EYA3: variants seen among roughly 807,000 people sequenced by gnomAD.
The protein encoded by EYA3 is EYA transcriptional coactivator and phosphatase 3.
In EYA3, 39 loss-of-function variants were observed where a neutral mutation model predicts 80.0. That is an observed-to-expected ratio of 0.49 (90% CI 0.38 to 0.64). The LOEUF (loss-of-function observed/expected upper bound fraction) is 0.64, where lower values mean the gene tolerates loss of function less well. Ranked by LOEUF, EYA3 falls within the 30% of genes least tolerant of loss-of-function variation. The pLI, the probability that EYA3 is intolerant of heterozygous loss-of-function variation, is 0.00. For synonymous variants in EYA3, 206 were observed against 232.8 expected, an observed-to-expected ratio of 0.88 and a Z score of 1.05; for missense variants, 523 against 676.1, an observed-to-expected ratio of 0.77 and a Z score of 2.51.
chr1:28,015,254 G>A (rs1327217734), intron 8 of EYA3, among the ~76,000 whole-genome samples: 6 of 152,218 alleles, frequency 3.9e-5, no homozygotes, highest in Admixed American at 1.3e-4. Context: ...TAGGCTCTGA[G>A]GAGATTTTAT....
chr1:27,986,225 C>G (rs941291034), intron 16 of EYA3, among the ~76,000 whole-genome samples: 17 of 151,512 alleles, frequency 1.1e-4, no homozygotes, highest in East Asian at 1.0e-3. Context: ...ATTAGCTGGG[C>G]ATGGTGGTGC....
chr1:28,035,472 T>G, intron 6 of EYA3, 72 bp downstream of exon 6: 2 of 1,552,678 alleles, frequency 1.3e-6, no homozygotes, highest in East Asian at 2.3e-5. Flanking sequence ...TAAAGAATGA[T>G]GCATGGCTGA....
chr1:28,045,216 T>C (rs1297188977), intron 3 of EYA3, among the ~76,000 whole-genome samples: 2 of 152,228 alleles, frequency 1.3e-5, no homozygotes, highest in South Asian at 2.1e-4. Flanking sequence ...GATGTGATTA[T>C]GGAAATTGAA....
chr1:27,981,801 C>T (rs1461692502), intron 16 of EYA3, among the ~76,000 whole-genome samples: 4 of 150,900 alleles, frequency 2.7e-5, no homozygotes, highest in East Asian at 2.0e-4. Context: ...CTACCACCAA[C>T]GAAGCTTTGT....
At chr1:28,056,428 C>G (rs1036027247) in intron 2 of EYA3, among the ~76,000 whole-genome samples, 2 of 152,198 alleles carry the variant, frequency 1.3e-5, no homozygotes, top group African/African-American at 4.8e-5. Context: ...GTACTTCCCC[C>G]GTGTGGCATG....
rs1645518931 is a variant in EYA3 at position 28,083,864 on chromosome 1, A to C, written c.-69+4660T>G. Among the ~76,000 whole-genome samples the C allele has an allele frequency of 2.0e-5, 3 of 152,372 alleles. No individual in the cohort carries two copies. In the South Asian group the frequency reaches 6.2e-4, roughly 32 times the overall value. On this transcript the variant is annotated intron_variant, in intron 1 of 17. Transcript: ENST00000373871. ...TGGTACAATATTACCTAGCCACATAAATAGCCTAAATATGTATTACTGTAA... is the reference window on the plus strand; with the variant it reads ...TGGTACAATATTACCTAGCCACATACATAGCCTAAATATGTATTACTGTAA...
At chr1:27,994,041 G>T (rs184931192) in intron 13 of EYA3, among the ~76,000 whole-genome samples, 10 of 152,324 alleles carry the variant, frequency 6.6e-5, no homozygotes, top group Admixed American at 6.5e-4. Context: ...TATGTTCATA[G>T]GTCACTGTGG....
intron 1 of EYA3, among the ~76,000 whole-genome samples, chr1:28,073,127 A>ATATATATATATTTTTTT (rs1553157671): frequency 4.7e-4 from 7 of 14,998 alleles, no homozygotes; most frequent in Admixed American, 1.4e-3. Flanking sequence ...ATATATATAT[A>ATATATATATATTTTTTT]TTTTTTTTTT....
At chr1:27,995,421 G>GAAAAAAAA (rs55902170) in intron 13 of EYA3, among the ~76,000 whole-genome samples, 1 of 79,194 alleles carries the variant, frequency 1.3e-5, no homozygotes, top group Admixed American at 1.4e-4. Flanking sequence ...ATCTTAAAAG[G>GAAAAAAAA]AAAAAAAAAA....
intron 2 of EYA3, among the ~76,000 whole-genome samples, chr1:28,049,882 G>A (rs1644173357): frequency 6.6e-6 from 1 of 152,010 alleles, no homozygotes; most frequent in African/African-American, 2.4e-5. Flanking sequence ...AGTTACATAT[G>A]GTCAGATAAT....
rs376042921 is a variant in EYA3, at chr1:28,027,835, T to C, written c.453A>G (p.Leu151=). The part of the protein sequence containing the change: ...QHSVLTCTTG[L]TTSQPSPAHY... ...GTGCTGGGCTTGGCTGGCTTGTGGT[T>C]AACCCTGTAGTGCAGGTAAGAACAC... The change falls in exon 7 of 18, where the codon TTA becomes TTG. Residue 151 remains leucine (L), a synonymous_variant. Coordinates refer to ENST00000373871, the MANE Select transcript of EYA3 (RefSeq NM_001990.4). The C allele has an allele frequency of 6.1e-5, 99 of 1,614,076 alleles. No individual in the cohort carries two copies. The highest frequency in any genetic ancestry group is 2.8e-5 in the Non-Finnish European group (33 of 1,180,026).
At chr1:27,995,919 T>C (rs186983268) in intron 13 of EYA3, among the ~76,000 whole-genome samples, 1,922 of 152,262 alleles carry the variant, frequency 0.013, 43 homozygotes, top group African/African-American at 0.043. Flanking sequence ...GTCACCCAGG[T>C]TGGAGTGCAG....
At chr1:28,080,553 G>A (rs1363899094) in intron 1 of EYA3, among the ~76,000 whole-genome samples, 7 of 151,384 alleles carry the variant, frequency 4.6e-5, no homozygotes, top group Admixed American at 1.3e-4. Flanking sequence ...CTTCTGTTTC[G>A]ATTTCAAATA....
In EYA3 at chr1:28,013,908, C is replaced by T. The variant is rs1010800445; in HGVS notation, c.586-614G>A. Among the ~76,000 whole-genome samples, 10 of 151,972 alleles carry T rather than the reference C, an allele frequency of 6.6e-5. No homozygotes were observed. The highest frequency in any genetic ancestry group is 2.4e-4 in the African/African-American group (10 of 41,372). On this transcript the variant is annotated intron_variant, in intron 8 of 17. Transcript: ENST00000373871. This position sits in a 1 kb window ranked among gnomAD's most constrained non-coding sequence, Gnocchi z 4.0. ...TGAAACCCTGTTTCTACTAAAAATA[C>T]AAAAATTAGCCTGGCGTGGTGGCAC... is the stretch of plus-strand genomic sequence containing the variant.
At chr1:28,055,835 A>G (rs547990199) in intron 2 of EYA3, among the ~76,000 whole-genome samples, 6 of 152,314 alleles carry the variant, frequency 3.9e-5, no homozygotes, top group Admixed American at 3.3e-4. Flanking sequence ...GGATAATTCA[A>G]TAAGGAAGAG....
At chr1:28,038,295 GGGCGTGGT>G (rs1643563304) in intron 5 of EYA3, among the ~76,000 whole-genome samples, 1 of 152,012 alleles carries the variant, frequency 6.6e-6, no homozygotes, top group Non-Finnish European at 1.5e-5. Context: ...AAAATTAGCT[GGGCGTGGT>G]GGCATGCCTG....
Position 27,971,517 on chromosome 1 carries a change from C to G in EYA3, c.*2949G>C, listed in dbSNP as rs1020873512. ...GCTGAGGTAGGAGAATCGCTTGAACCTGGGAGGCGGAGGTTGCAGTGAGCC... is the reference window on the plus strand; with the variant it reads ...GCTGAGGTAGGAGAATCGCTTGAACGTGGGAGGCGGAGGTTGCAGTGAGCC... On this transcript the variant is annotated 3_prime_UTR_variant, in exon 18 of 18. Transcript: ENST00000373871. The G allele has an allele frequency of 6.7e-6, 1 of 149,972 alleles. No homozygotes were observed. The highest frequency in any genetic ancestry group is 1.5e-5 in the Non-Finnish European group (1 of 68,052). 9.3% of individuals were successfully genotyped at this position (149,972 alleles called of 1,614,324 possible). A position where few individuals can be genotyped will look rare whatever the true frequency, so the allele number is the denominator to read the frequency against.
chr1:28,038,439 T>TAAAAAAAAAAAAAAAAAAAA (rs74525723), intron 5 of EYA3, among the ~76,000 whole-genome samples: 2 of 68,502 alleles, frequency 2.9e-5, no homozygotes, highest in Admixed American at 1.6e-4. Flanking sequence ...GATTCTATCT[T>TAAAAAAAAAAAAAAAAAAAA]AAAAAAAAAA....
At chr1:28,012,041 T>C (rs1332261791) in intron 9 of EYA3, among the ~76,000 whole-genome samples, 1 of 152,202 alleles carries the variant, frequency 6.6e-6, no homozygotes, top group Admixed American at 6.5e-5. Context: ...ATTATTAATA[T>C]TGAACTTTTA....
Sources: gnomAD v4.1 joint callset for allele counts (sites outside exome capture counted in the v4.1 genomes callset) on GRCh38, gnomAD v4.1.1 for gene constraint, Gnocchi (gnomAD v3.1) non-coding constraint, MANE v1.5 for transcripts, NCBI Gene and HGNC (gene_info 2026-07-23, HGNC 2026-07-21) for gene names.